The following ERGIC2 variants were observed in gnomAD, a reference collection of about 807,000 sequenced individuals.
The protein encoded by ERGIC2 is endoplasmic reticulum-Golgi intermediate compartment protein 2.
ERGIC2 carries 31 observed loss-of-function variants against 52.5 expected under a neutral mutation model. That is an observed-to-expected ratio of 0.59 (90% confidence interval 0.44 to 0.80). The LOEUF is 0.80. Among genes scored for constraint, ERGIC2 ranks in the 30% least tolerant of loss-of-function variants. The pLI is 0.00. For synonymous variants in ERGIC2, 129 were observed against 140.6 expected (o/e 0.92, Z 0.58); for missense variants, 395 against 455.2 (o/e 0.87, Z 1.20).
chr12:29,356,147 G>A (rs1264389007), intron 8 of ERGIC2, among the ~76,000 whole-genome samples: 6 of 151,654 alleles, frequency 4.0e-5, no homozygotes, highest in Admixed American at 2.0e-4. Context: ...TCAGCCCCTC[G>A]AGTATCTGGG....
intron 9 of ERGIC2, 87 bp from the exon 10 acceptor site, chr12:29,349,264 T>A: frequency 1.9e-6 from 1 of 516,138 alleles, no homozygotes; most frequent in Non-Finnish European, 3.4e-6. Context: ...TCCTTATCTA[T>A]TCTCAAATGA....
intron 9 of ERGIC2, among the ~76,000 whole-genome samples, 158 bp downstream of exon 9, chr12:29,349,855 C>A (rs1940107533): frequency 6.6e-6 from 1 of 152,036 alleles, no homozygotes; most frequent in Non-Finnish European, 1.5e-5. Flanking sequence ...TGACCAAATA[C>A]AAATGCAGAT....
At position 29,356,374 on chromosome 12, in the gene ERGIC2, G is replaced by C. The variant is rs1284999346; in HGVS notation, c.572+8C>G. On this transcript the variant is annotated splice_region_variant and intron_variant, in intron 8 of 13. Transcript: ENST00000360150. The stretch of plus-strand genomic sequence containing the variant: ...CTAAAGTATTTTCAGTAAGTGAAAA[G>C]AACATACTTGCCCACTGTTATGTGA... 1.1e-5 allele frequency: 17 copies of C among 1,480,156 alleles called. No homozygotes were observed. The highest frequency in any genetic ancestry group is 1.4e-5 in the African/African-American group (1 of 72,210). 91.7% of individuals were successfully genotyped at this position (1,480,156 alleles called of 1,614,324 possible).
intron 1 of ERGIC2, 56 bp downstream of exon 1, chr12:29,381,059 T>C (rs1940582135): frequency 6.6e-6 from 1 of 152,256 alleles, no homozygotes; most frequent in Non-Finnish European, 1.5e-5. Flanking sequence ...ATTTACGCCC[T>C]AAACAGCCCT....
At chr12:29,356,306 A>C (rs943745524) in intron 8 of ERGIC2, 76 bp downstream of exon 8, 4 of 865,638 alleles carry the variant, frequency 4.6e-6, no homozygotes, top group Middle Eastern at 4.5e-4. Flanking sequence ...TACAGGCGCG[A>C]GCCATCGGCC....
chr12:29,342,054 C>T (rs1419641269), intron 12 of ERGIC2, among the ~76,000 whole-genome samples: 1 of 152,112 alleles, frequency 6.6e-6, no homozygotes, highest in Non-Finnish European at 1.5e-5. Flanking sequence ...ACTCTGTTGC[C>T]CAGGCTGGAG....
At chr12:29,377,656 A>C (rs1271785730) in intron 1 of ERGIC2, among the ~76,000 whole-genome samples, 1 of 152,162 alleles carries the variant, frequency 6.6e-6, no homozygotes, top group Non-Finnish European at 1.5e-5. Context: ...TGGAGGGGTG[A>C]CTGTATTTTG....
At chr12:29,341,861 G>T (rs770434058) in intron 12 of ERGIC2, 45 bp from the exon 13 acceptor site, 6 of 950,110 alleles carry the variant, frequency 6.3e-6, no homozygotes. Flanking sequence ...TTCCTAAACT[G>T]TTATTTAAGA....
intron 1 of ERGIC2, among the ~76,000 whole-genome samples, chr12:29,376,719 T>A (rs999370858): frequency 2.0e-5 from 3 of 152,178 alleles, no homozygotes; most frequent in Non-Finnish European, 4.4e-5. Flanking sequence ...CATTGCTCCA[T>A]TCCCACTCTA....
At position 29,366,882 on chromosome 12, in the gene ERGIC2, C is replaced by T; in HGVS notation, c.328G>A (p.Glu110Lys). 5 of 1,596,392 alleles carry T rather than the reference C, an allele frequency of 3.1e-6. No homozygotes were observed. Among genetic ancestry groups the T allele is most frequent in the Non-Finnish European group, 3.4e-6 (4 of 1,167,958 alleles). ...ACCATGTGAATCAAACTTACTGGTT[C>T]ATAAACTAAACCATCTGCAGATGCA... ...MVASADGLVY[E>K]PTVFDLSPQQ... Residue 110 changes from glutamate (E) to lysine (K), a missense_variant, in exon 5 of 14, where the codon GAA becomes AAA. Glu to Lys is a moderately conservative substitution (Grantham distance 56). Coordinates refer to ENST00000360150, the MANE Select transcript of ERGIC2 (RefSeq NM_016570.3).
At position 29,341,732 on chromosome 12, in the gene ERGIC2, A is replaced by G; in HGVS notation, c.1071+2T>C. The G allele has an allele frequency of 1.3e-6, 2 of 1,518,258 alleles. No individual in the cohort carries two copies. Among genetic ancestry groups the G allele is most frequent in the Non-Finnish European group, 1.8e-6 (2 of 1,093,816 alleles). 94.0% of individuals were successfully genotyped at this position (1,518,258 alleles called of 1,614,324 possible). A position where few individuals can be genotyped will look rare whatever the true frequency, so the allele number is the denominator to read the frequency against. ...CAGCACCATGTATACTACACCACTT[A>G]CAGAATTGACAGGTTTATAGGATCC... is the stretch of plus-strand genomic sequence containing the variant. On this transcript the variant is annotated splice_donor_variant, in intron 13 of 13. Transcript: ENST00000360150. LOFTEE classifies it high-confidence loss of function.
intron 1 of ERGIC2, among the ~76,000 whole-genome samples, chr12:29,374,233 A>C (rs2077718414): frequency 6.6e-6 from 1 of 152,160 alleles, no homozygotes. Flanking sequence ...GACACTCCTC[A>C]GTCCTTATCT....
At chr12:29,365,268 T>G (rs1052971987) in intron 5 of ERGIC2, among the ~76,000 whole-genome samples, 1 of 152,088 alleles carries the variant, frequency 6.6e-6, no homozygotes, top group Admixed American at 6.6e-5. Context: ...GGGAATACTA[T>G]GCAGCCATAA....
At chr12:29,345,384 C>T in intron 11 of ERGIC2, 59 bp downstream of exon 11, 1 of 985,094 alleles carries the variant, frequency 1.0e-6, no homozygotes, top group Admixed American at 2.0e-5. Context: ...AGCCAGGAAA[C>T]TTTAAAATGC....
intron 11 of ERGIC2, among the ~76,000 whole-genome samples, chr12:29,344,892 T>G (rs1351581757): frequency 6.6e-6 from 1 of 152,158 alleles, no homozygotes; most frequent in African/African-American, 2.4e-5. Context: ...TCCAAAACTT[T>G]GCTCATCACT....
At chr12:29,371,482 A>T in intron 2 of ERGIC2, 46 bp downstream of exon 2, 1 of 1,238,808 alleles carries the variant, frequency 8.1e-7, no homozygotes, top group Admixed American at 2.2e-5. Context: ...TGGATCACGC[A>T]GAAGTTGTAC....
intron 10 of ERGIC2, among the ~76,000 whole-genome samples, chr12:29,346,994 C>T (rs967664910): frequency 2.0e-5 from 3 of 152,156 alleles, no homozygotes; most frequent in Non-Finnish European, 4.4e-5. Context: ...TATTAAGTGG[C>T]AGAGTGAGAA....
At chr12:29,349,416 A>T (rs1940102378) in intron 9 of ERGIC2, among the ~76,000 whole-genome samples, 1 of 152,004 alleles carries the variant, frequency 6.6e-6, no homozygotes. Flanking sequence ...AATTATATAC[A>T]ATTTAACGTC....
intron 3 of ERGIC2, among the ~76,000 whole-genome samples, chr12:29,369,035 C>A (rs1339315082): frequency 6.6e-6 from 1 of 151,774 alleles, no homozygotes; most frequent in Non-Finnish European, 1.5e-5. Context: ...TCTATGATAA[C>A]TTTTTTCTGT....
Sources: gnomAD v4.1 joint callset for allele counts (sites outside exome capture counted in the v4.1 genomes callset) on GRCh38, gnomAD v4.1.1 for gene constraint, MANE v1.5 for transcripts, NCBI Gene and HGNC (gene_info 2026-07-23, HGNC 2026-07-21) for gene names.